The following DCBLD1 variants were observed in gnomAD, a reference collection of about 807,000 sequenced individuals.
DCBLD1 encodes discoidin, CUB and LCCL domain-containing protein 1.
A neutral mutation model predicts 71.5 loss-of-function variants in DCBLD1; 57 were observed. That is an observed-to-expected ratio of 0.80 (90% CI 0.64 to 0.99). The LOEUF is 0.99. Among genes scored for constraint, DCBLD1 ranks in the 50% least tolerant of loss-of-function variants. The pLI is 0.00. For missense variants in DCBLD1, 891 were observed against 923.5 expected (o/e 0.96, Z 0.46); for synonymous variants, 380 against 363.8 (o/e 1.04, Z -0.51).
intron 9 of DCBLD1, 146 bp from the exon 10 acceptor site, chr6:117,540,522 C>T (rs1328947208): frequency 2.0e-5 from 18 of 912,032 alleles, no homozygotes; most frequent in Admixed American, 2.7e-5. Flanking sequence ...TGCAAAGCCT[C>T]GTATCTTCAA....
At chr6:117,524,353 C>A (rs994293600) in intron 4 of DCBLD1, among the ~76,000 whole-genome samples, 5 of 151,990 alleles carry the variant, frequency 3.3e-5, no homozygotes, top group Admixed American at 1.3e-4. Flanking sequence ...AGGCGTCTGC[C>A]ACCACACCGG....
downstream of DCBLD1, among the ~76,000 whole-genome samples, chr6:117,552,702 T>G (rs1449726964): frequency 3.3e-5 from 5 of 152,196 alleles, no homozygotes; most frequent in Non-Finnish European, 5.9e-5. Context: ...TATGGTTTCT[T>G]GACTTCCACT....
intron 14 of DCBLD1, chr6:117,569,522 A>T: frequency 6.3e-7 from 1 of 1,599,116 alleles, no homozygotes; most frequent in Non-Finnish European, 8.5e-7. Context: ...TGTTCAATAG[A>T]TTCATAACCA....
chr6:117,516,912 A>C (rs1778219157), intron 2 of DCBLD1, among the ~76,000 whole-genome samples: 1 of 152,150 alleles, frequency 6.6e-6, no homozygotes, highest in South Asian at 2.1e-4. Context: ...GGTCCCTCCC[A>C]CAACACGTGG....
intron 14 of DCBLD1, among the ~76,000 whole-genome samples, chr6:117,555,865 A>G (rs1779489227): frequency 6.6e-6 from 1 of 152,226 alleles, no homozygotes; most frequent in Non-Finnish European, 1.5e-5. Flanking sequence ...GAGGACTGAA[A>G]GCTGACAATT....
At chr6:117,493,970 G>T (rs2114385501) in intron 1 of DCBLD1, among the ~76,000 whole-genome samples, 1 of 152,240 alleles carries the variant, frequency 6.6e-6, no homozygotes, top group Middle Eastern at 3.4e-3. Flanking sequence ...ATATATATGT[G>T]TGTGTGTATA....
At chr6:117,550,713 A>G (rs1314334346), downstream of DCBLD1, among the ~76,000 whole-genome samples, 1 of 152,250 alleles carries the variant, frequency 6.6e-6, no homozygotes, top group African/African-American at 2.4e-5. Context: ...ACAACTGTAT[A>G]TACCATGAAT....
chr6:117,525,370 GC>G lies in DCBLD1; in HGVS notation c.524del (p.Pro175GlnfsTer7). The G allele has an allele frequency of 6.8e-7, 1 of 1,471,538 alleles. No homozygotes were observed. Among genetic ancestry groups the G allele is most frequent in the South Asian group, 1.6e-5 (1 of 60,712 alleles). 91.2% of individuals were successfully genotyped at this position (1,471,538 alleles called of 1,614,324 possible). On this transcript the variant is annotated frameshift_variant, in exon 5 of 15. Transcript: ENST00000338728. LOFTEE classifies it high-confidence loss of function. ...HYLKTEYSKF[C>X]PAGCRDVAGD... ...TATTTTTCTTTTTCCAGCAAATTCT[GC>G]CCAGCTGGTTGTAGAGACGTAGCAG...
rs1463339381 is a variant in DCBLD1 at position 117,562,301 on chromosome 6, A to C, written c.1616-7319A>C. ...CTGGAAATCATTTACTTAGAAAGAA[A>C]ACTGCCGTTTGATTTGAATGTACTG... On this transcript the variant is annotated intron_variant, in intron 14 of 14. Coordinates refer to the DCBLD1 transcript ENST00000296955. The C allele has an allele frequency of 3.4e-5, 7 of 205,050 alleles. No homozygotes were observed. The Admixed American group carries it at 3.6e-4, about 10-fold the overall frequency. The allele number at this position is 205,050 out of a possible 1,614,324, so 12.7% of individuals were successfully genotyped here.
chr6:117,510,146 T>C (rs2114451164), intron 2 of DCBLD1, among the ~76,000 whole-genome samples: 1 of 152,330 alleles, frequency 6.6e-6, no homozygotes, highest in East Asian at 1.9e-4. Context: ...TTAGCGTTGA[T>C]GCATCATCTT....
Position 117,544,579 on chromosome 6 carries a change from T to C in DCBLD1, c.1495+2T>C, listed in dbSNP as rs1245398797. ...GATCAGCAGAGGCTCAGAAAACAGGTTGGTTGAAAACTCTATCTACAATTT... is the reference window on the plus strand; with the variant it reads ...GATCAGCAGAGGCTCAGAAAACAGGCTGGTTGAAAACTCTATCTACAATTT... On this transcript the variant is annotated splice_donor_variant, in intron 13 of 14. Coordinates refer to ENST00000338728, the MANE Select transcript of DCBLD1 (RefSeq NM_001366458.2). LOFTEE classifies it high-confidence loss of function. 6.2e-7 allele frequency: 1 copy of C among 1,613,958 alleles called. No individual in the cohort carries two copies. The highest frequency in any genetic ancestry group is 1.1e-5 in the South Asian group (1 of 91,030).
At chr6:117,552,086 C>G (rs956759705), downstream of DCBLD1, among the ~76,000 whole-genome samples, 1 of 152,192 alleles carries the variant, frequency 6.6e-6, no homozygotes, top group African/African-American at 2.4e-5. Flanking sequence ...CGCCACGGCA[C>G]TCCAGCCTGG....
At chr6:117,562,585 T>C (rs941267798) in intron 14 of DCBLD1, 1 of 202,100 alleles carries the variant, frequency 4.9e-6, no homozygotes, top group African/African-American at 2.3e-5. Flanking sequence ...AGTAAAATGT[T>C]TAGTAACTTT....
intron 14 of DCBLD1, among the ~76,000 whole-genome samples, chr6:117,559,592 C>A (rs1372680901): frequency 6.6e-6 from 1 of 152,118 alleles, no homozygotes; most frequent in Non-Finnish European, 1.5e-5. Context: ...CTGACAGATG[C>A]ATTCTCATGG....
chr6:117,554,574 GGA>G (rs1393638759), downstream of DCBLD1, among the ~76,000 whole-genome samples: 4 of 152,266 alleles, frequency 2.6e-5, no homozygotes, highest in Admixed American at 6.5e-5. Context: ...TGCATGGATA[GGA>G]TTTTACTTAG....
chr6:117,530,777 GA>G (rs377573692), intron 5 of DCBLD1, among the ~76,000 whole-genome samples: 117 of 152,300 alleles, frequency 7.7e-4, no homozygotes, highest in African/African-American at 2.7e-3. Flanking sequence ...CTGATGATAA[GA>G]AAGCTTTTTA....
intron 1 of DCBLD1, among the ~76,000 whole-genome samples, chr6:117,488,572 G>T (rs1247957437): frequency 1.3e-5 from 2 of 152,198 alleles, no homozygotes; most frequent in African/African-American, 2.4e-5. Context: ...TTGAGCCCAG[G>T]AGGCAGCTGT....
At chr6:117,488,780 G>A (rs2114361153) in intron 1 of DCBLD1, among the ~76,000 whole-genome samples, 1 of 152,336 alleles carries the variant, frequency 6.6e-6, no homozygotes, top group African/African-American at 2.4e-5. Flanking sequence ...TAGACCGGGG[G>A]TCCCCTATGG....
chr6:117,497,142 G>A (rs1373301286), intron 1 of DCBLD1, among the ~76,000 whole-genome samples: 3 of 152,118 alleles, frequency 2.0e-5, no homozygotes, highest in Admixed American at 6.6e-5. Context: ...TCAGTAAGCC[G>A]AGACTGCGCC....
Sources: gnomAD v4.1 joint callset for allele counts (sites outside exome capture counted in the v4.1 genomes callset) on GRCh38, gnomAD v4.1.1 for gene constraint, MANE v1.5 for transcripts, NCBI Gene and HGNC (gene_info 2026-07-23, HGNC 2026-07-21) for gene names.